Variants in CTNNA2 observed in about 807,000 individuals in gnomAD.
The protein encoded by CTNNA2 is catenin alpha-2.
CTNNA2 carries 42 observed loss-of-function variants against 101.0 expected under a neutral mutation model. The observed-to-expected ratio is 0.42, with a 90% CI of 0.32 to 0.54. CTNNA2 has a LOEUF of 0.54. CTNNA2 is among the 20% of genes least tolerant of loss of function. The probability of loss-of-function intolerance (pLI) is 0.14; values close to 1 mark genes in which losing one functional copy is unlikely to be tolerated. For missense variants in CTNNA2, 871 were observed against 1,223.1 expected (o/e 0.71, Z 4.29); for synonymous variants, 450 against 456.4 (o/e 0.99, Z 0.18).
chr2:79,687,576 T>C (rs1017164473), intron 2 of CTNNA2: 16 of 707,060 alleles, frequency 2.3e-5, no homozygotes, highest in African/African-American at 1.8e-4. Context: ...CATTTTTTTT[T>C]CCACCGGATA....
chr2:80,638,192 A>G (rs1673077537), intron 18 of CTNNA2, among the ~76,000 whole-genome samples: 1 of 152,186 alleles, frequency 6.6e-6, no homozygotes, highest in Non-Finnish European at 1.5e-5. Context: ...CTCCTTGCAT[A>G]ATTATTTATG....
intron 7 of CTNNA2, among the ~76,000 whole-genome samples, chr2:80,215,522 G>C (rs2149044214): frequency 6.6e-6 from 1 of 152,318 alleles, no homozygotes; most frequent in African/African-American, 2.4e-5. Flanking sequence ...TTTGCTGGAG[G>C]TCGACTCCAG....
intron 3 of CTNNA2, among the ~76,000 whole-genome samples, chr2:79,798,256 C>A (rs1247075565): frequency 6.6e-6 from 1 of 152,182 alleles, no homozygotes; most frequent in East Asian, 1.9e-4. Context: ...TGGTACTAAT[C>A]CCCTAGGCAT....
At chr2:80,420,563 TTC>T in intron 9 of CTNNA2, among the ~76,000 whole-genome samples, 1 of 152,206 alleles carries the variant, frequency 6.6e-6, no homozygotes, top group Non-Finnish European at 1.5e-5. Flanking sequence ...GGAAAATAAG[TTC>T]TTTTTTTTTT....
chr2:79,597,341 G>A (rs1198062629), intron 1 of CTNNA2, among the ~76,000 whole-genome samples: 2 of 151,866 alleles, frequency 1.3e-5, no homozygotes, highest in African/African-American at 2.4e-5. Flanking sequence ...GCGTGGTGGC[G>A]GGCGCCCGTA....
intron 7 of CTNNA2, among the ~76,000 whole-genome samples, chr2:80,084,248 A>G (rs1699315192): frequency 6.6e-6 from 1 of 152,150 alleles, no homozygotes; most frequent in Non-Finnish European, 1.5e-5. Flanking sequence ...GAAAGCAGGA[A>G]GGCACTCTAG....
At chr2:80,488,208 A>T (rs999027558) in intron 9 of CTNNA2, among the ~76,000 whole-genome samples, 2 of 152,236 alleles carry the variant, frequency 1.3e-5, no homozygotes, top group Admixed American at 6.5e-5. Flanking sequence ...TCCTATGGAT[A>T]CAGCGCAGGA....
intron 2 of CTNNA2, among the ~76,000 whole-genome samples, chr2:79,669,504 G>A (rs975610926): frequency 6.6e-6 from 1 of 152,136 alleles, no homozygotes; most frequent in East Asian, 1.9e-4. Context: ...TGAAGAAGAG[G>A]TTTATTTAGT....
At chr2:80,258,429 G>A (rs773837342) in intron 7 of CTNNA2, among the ~76,000 whole-genome samples, 15 of 152,094 alleles carry the variant, frequency 9.9e-5, no homozygotes, top group East Asian at 1.9e-4. Flanking sequence ...AGAAGACAGC[G>A]TCCTGGAACA....
chr2:80,596,404 G>A (rs1249988910), intron 15 of CTNNA2, among the ~76,000 whole-genome samples: 1 of 141,126 alleles, frequency 7.1e-6, no homozygotes, highest in Non-Finnish European at 1.5e-5. Context: ...CCACCTCCCG[G>A]GTTCATGCCA....
intron 7 of CTNNA2, among the ~76,000 whole-genome samples, chr2:80,157,392 C>G (rs1704051473): frequency 6.6e-6 from 1 of 152,120 alleles, no homozygotes; most frequent in South Asian, 2.1e-4. Context: ...GGACCCTGAA[C>G]TTCAAGGGGA....
chr2:79,239,701 A>G (rs1485056992), intron 2 of CTNNA2, among the ~76,000 whole-genome samples: 1 of 152,184 alleles, frequency 6.6e-6, no homozygotes, highest in Admixed American at 6.5e-5. Flanking sequence ...GACAAACGGG[A>G]TCTAATTAAA....
intron 2 of CTNNA2, among the ~76,000 whole-genome samples, chr2:79,265,985 G>T (rs1052785546): frequency 7.2e-5 from 11 of 152,122 alleles, no homozygotes; most frequent in Non-Finnish European, 1.5e-4. Flanking sequence ...TTGATAGCCT[G>T]CAGGATTGTT....
intron 1 of CTNNA2, among the ~76,000 whole-genome samples, chr2:79,552,805 T>C (rs1674196764): frequency 1.3e-5 from 2 of 152,304 alleles, no homozygotes; most frequent in Admixed American, 1.3e-4. Flanking sequence ...CCAGGCATTA[T>C]TTTTTGAGGC....
At chr2:80,005,773 G>T (rs1007285041) in intron 7 of CTNNA2, among the ~76,000 whole-genome samples, 17 of 147,548 alleles carry the variant, frequency 1.2e-4, no homozygotes, top group Admixed American at 3.4e-4. Flanking sequence ...ATGTTTATTT[G>T]TTTTTTTTTT....
chr2:80,378,352 G>A (rs1282283227), intron 7 of CTNNA2, among the ~76,000 whole-genome samples: 1 of 142,250 alleles, frequency 7.0e-6, no homozygotes, highest in Non-Finnish European at 1.5e-5. Context: ...GCAAAACTCT[G>A]TCTCAAAAAA....
Position 80,644,763 on chromosome 2 carries a change from T to G in CTNNA2, c.2575-2822T>G, listed in dbSNP as rs1328802174. Among the ~76,000 whole-genome samples the G allele has an allele frequency of 2.0e-5, 3 of 150,156 alleles. No individual in the cohort carries two copies. In the East Asian group the frequency reaches 7.3e-4, roughly 37 times the overall value. ...TTGGCTGGATCTCTCACCTCCTCAC[T>G]TTACCTTGCTGCAAATTCAAGATCT... On this transcript the variant is annotated intron_variant, in intron 18 of 18. Transcript: ENST00000402739.
At chr2:80,285,097 G>C (rs976038319) in intron 7 of CTNNA2, among the ~76,000 whole-genome samples, 3 of 152,044 alleles carry the variant, frequency 2.0e-5, no homozygotes, top group Non-Finnish European at 4.4e-5. Flanking sequence ...TTTCCAAGTA[G>C]ATGTCCGTCC....
At chr2:79,492,169 A>T (rs899732449) in intron 4 of CTNNA2, among the ~76,000 whole-genome samples, 1 of 152,052 alleles carries the variant, frequency 6.6e-6, no homozygotes, top group Non-Finnish European at 1.5e-5. Flanking sequence ...CATACTATTT[A>T]TATTTTTAGT....
Sources: gnomAD v4.1 joint callset for allele counts (sites outside exome capture counted in the v4.1 genomes callset) on GRCh38, gnomAD v4.1.1 for gene constraint, MANE v1.5 for transcripts, NCBI Gene and HGNC (gene_info 2026-07-23, HGNC 2026-07-21) for gene names.